TEAD1: variants seen among roughly 807,000 people sequenced by gnomAD.
TEAD1 encodes the protein transcriptional enhancer factor TEF-1.
A neutral mutation model predicts 54.9 loss-of-function variants in TEAD1; 9 were observed. The observed-to-expected ratio is 0.16, with a 90% CI of 0.10 to 0.29. TEAD1 has a LOEUF of 0.29. Among genes scored for constraint, TEAD1 ranks in the 10% least tolerant of loss-of-function variants. The pLI, the probability that TEAD1 is intolerant of heterozygous loss-of-function variation, is 1.00. For missense variants in TEAD1, 387 were observed against 535.9 expected, an observed-to-expected ratio of 0.72 and a Z score of 2.74; for synonymous variants, 200 against 187.8, an observed-to-expected ratio of 1.07 and a Z score of -0.53.
intron 3 of TEAD1, among the ~76,000 whole-genome samples, chr11:12,777,067 A>G (rs1332911596): frequency 6.6e-6 from 1 of 151,966 alleles, no homozygotes; most frequent in Non-Finnish European, 1.5e-5. Flanking sequence ...TGCTAGGATT[A>G]CAGGCGTGAA....
At chr11:12,908,179 T>C (rs952070269) in intron 10 of TEAD1, among the ~76,000 whole-genome samples, 11 of 152,184 alleles carry the variant, frequency 7.2e-5, no homozygotes, top group African/African-American at 1.9e-4. Context: ...GCTTTTCATA[T>C]GCAAACCAAC....
chr11:12,840,527 T>C (rs1451172718), intron 3 of TEAD1, among the ~76,000 whole-genome samples: 2 of 152,178 alleles, frequency 1.3e-5, no homozygotes, highest in African/African-American at 4.8e-5. Context: ...CACTTAACTT[T>C]TACTCATTTT....
intron 3 of TEAD1, among the ~76,000 whole-genome samples, chr11:12,827,595 A>G (rs1485887766): frequency 1.3e-5 from 2 of 152,224 alleles, no homozygotes; most frequent in African/African-American, 2.4e-5. Flanking sequence ...TACTGATTCT[A>G]GGTCCTATGG....
rs145434812 is a variant in TEAD1 at position 12,882,880 on chromosome 11, C to T, written c.575-121C>T. The T allele has an allele frequency of 1.3e-3, 1,848 of 1,454,616 alleles. 15 individuals are homozygous for T. In the African/African-American group the frequency reaches 0.02, roughly 15 times the overall value. The allele number at this position is 1,454,616 out of a possible 1,614,324, so 90.1% of individuals were successfully genotyped here. ...TCGTCTGAGTTATCCTGGCCAGAGC[C>T]GGTGGAGAGGGGGCTGTTGGCATTT... is the stretch of plus-strand genomic sequence containing the variant. On this transcript the variant is annotated intron_variant, in intron 8 of 12. Transcript: ENST00000527636.
At chr11:12,683,197 A>T (rs1261427533) in intron 2 of TEAD1, among the ~76,000 whole-genome samples, 1 of 152,226 alleles carries the variant, frequency 6.6e-6, no homozygotes, top group Non-Finnish European at 1.5e-5. Context: ...ATATGTATAA[A>T]ATAATATTTC....
chr11:12,830,762 GCA>G (rs1467936117), intron 3 of TEAD1, among the ~76,000 whole-genome samples: 5 of 149,028 alleles, frequency 3.4e-5, no homozygotes, highest in African/African-American at 1.3e-4. Flanking sequence ...ACACATGCAC[GCA>G]CACGCACATG....
chr11:12,807,843 G>C (rs1057355697), intron 3 of TEAD1, among the ~76,000 whole-genome samples: 10 of 152,216 alleles, frequency 6.6e-5, no homozygotes, highest in Admixed American at 1.3e-4. Flanking sequence ...CAGGTACTGA[G>C]AGTTGCACTG....
intron 5 of TEAD1, among the ~76,000 whole-genome samples, chr11:12,876,027 C>G (rs1947847858): frequency 6.6e-6 from 1 of 152,164 alleles, no homozygotes; most frequent in African/African-American, 2.4e-5. Flanking sequence ...GAAGCCAGGT[C>G]TCCGGACACC....
intron 3 of TEAD1, among the ~76,000 whole-genome samples, chr11:12,845,117 A>G (rs1014533740): frequency 2.0e-5 from 3 of 151,514 alleles, no homozygotes; most frequent in Admixed American, 6.6e-5. Context: ...GGCACCCACT[A>G]CCATGCCCGG....
At chr11:12,852,053 T>C (rs1398719848) in intron 3 of TEAD1, among the ~76,000 whole-genome samples, 1 of 152,046 alleles carries the variant, frequency 6.6e-6, no homozygotes, top group Non-Finnish European at 1.5e-5. Flanking sequence ...CCAGGTAGGG[T>C]ATACAGGAAT....
chr11:12,909,534 G>T (rs1948581493), intron 10 of TEAD1, among the ~76,000 whole-genome samples: 1 of 151,962 alleles, frequency 6.6e-6, no homozygotes. Flanking sequence ...CGGGGTGGGG[G>T]GCGAGGGGAG....
chr11:12,771,376 C>T (rs936577815), intron 3 of TEAD1, among the ~76,000 whole-genome samples: 2 of 152,132 alleles, frequency 1.3e-5, no homozygotes, highest in Non-Finnish European at 2.9e-5. Context: ...ATGGCTGTTA[C>T]AGTAGTCCGG....
At chr11:12,899,529 A>G (rs190804877) in intron 9 of TEAD1, among the ~76,000 whole-genome samples, 3 of 152,332 alleles carry the variant, frequency 2.0e-5, no homozygotes, top group Admixed American at 6.5e-5. Flanking sequence ...GAAAAAATGT[A>G]TAAAAAGCTC....
chr11:12,707,114 C>CTTT (rs11366620), intron 2 of TEAD1, among the ~76,000 whole-genome samples: 12 of 76,268 alleles, frequency 1.6e-4, no homozygotes, highest in Admixed American at 3.3e-4. Context: ...ACTTGTGGGA[C>CTTT]TTTTTTTTTT....
chr11:12,816,097 G>A (rs34750784), intron 3 of TEAD1, among the ~76,000 whole-genome samples: 14,606 of 152,260 alleles, frequency 0.096, 910 homozygotes, highest in Non-Finnish European at 0.14. Context: ...CTTCTGTTGG[G>A]CAGTCACGGG....
At chr11:12,818,269 C>G (rs946333972) in intron 3 of TEAD1, among the ~76,000 whole-genome samples, 10 of 152,168 alleles carry the variant, frequency 6.6e-5, no homozygotes, top group African/African-American at 2.4e-4. Flanking sequence ...TCCCAAAATC[C>G]CTTTCTCAAG....
At chr11:12,809,914 G>C (rs574063163) in intron 3 of TEAD1, among the ~76,000 whole-genome samples, 4 of 151,838 alleles carry the variant, frequency 2.6e-5, no homozygotes, top group African/African-American at 7.2e-5. Flanking sequence ...TTCTGGACCA[G>C]CCGATGGGGA....
At chr11:12,708,781 G>A (rs1417467443) in intron 2 of TEAD1, among the ~76,000 whole-genome samples, 12 of 151,814 alleles carry the variant, frequency 7.9e-5, no homozygotes, top group Non-Finnish European at 1.3e-4. Context: ...AGAAGATGAA[G>A]TCAACTTCTA....
At chr11:12,777,263 T>C (rs1945445905) in intron 3 of TEAD1, among the ~76,000 whole-genome samples, 1 of 152,154 alleles carries the variant, frequency 6.6e-6, no homozygotes. Flanking sequence ...GGGGGAAATA[T>C]TTGTCACCCC....
Sources: allele counts gnomAD v4.1 joint callset (sites outside exome capture counted in the v4.1 genomes callset), GRCh38; gene constraint gnomAD v4.1.1; transcripts MANE v1.5; gene names NCBI Gene and HGNC (gene_info 2026-07-23, HGNC 2026-07-21).